Variants in SRGAP3 observed in about 807,000 individuals in gnomAD.
SRGAP3 encodes the protein SLIT-ROBO Rho GTPase activating protein 3.
SRGAP3 carries 39 observed loss-of-function variants against 121.1 expected under a neutral mutation model. That is an observed-to-expected ratio of 0.32 (90% CI 0.25 to 0.42). The LOEUF is 0.42. Among genes scored for constraint, SRGAP3 ranks in the 10% least tolerant of loss-of-function variants. The probability of loss-of-function intolerance (pLI) is 1.00; values close to 1 mark genes in which losing one functional copy is unlikely to be tolerated. For missense variants in SRGAP3, 1,213 were observed against 1,470.6 expected (o/e 0.82, Z 2.86); for synonymous variants, 601 against 570.0 (o/e 1.05, Z -0.77).
chr3:9,254,010 C>T (rs1267115393), upstream of SRGAP3, among the ~76,000 whole-genome samples: 1 of 152,158 alleles, frequency 6.6e-6, no homozygotes, highest in Non-Finnish European at 1.5e-5. Context: ...AATTCAACCA[C>T]AGAACAATAC....
intron 1 of SRGAP3, among the ~76,000 whole-genome samples, chr3:9,356,391 G>A (rs76556501): frequency 6.7e-5 from 3 of 44,578 alleles, no homozygotes; most frequent in African/African-American, 1.5e-4. Flanking sequence ...TTTTTTTTTT[G>A]AGACAGAGTC....
intron 1 of SRGAP3, among the ~76,000 whole-genome samples, chr3:9,352,220 T>C (rs2030211284): frequency 6.6e-6 from 1 of 152,050 alleles, no homozygotes; most frequent in Non-Finnish European, 1.5e-5. Context: ...CTGCAGATTG[T>C]TTTTTACAGA....
intron 3 of SRGAP3, among the ~76,000 whole-genome samples, chr3:9,295,805 T>C (rs369301483): frequency 6.6e-5 from 10 of 152,284 alleles, no homozygotes; most frequent in Admixed American, 5.9e-4. Context: ...CTCCCCATTC[T>C]CCTCTTCCCC....
At chr3:9,060,167 G>T in intron 6 of SRGAP3, 64 bp downstream of exon 6, 1 of 1,611,716 alleles carries the variant, frequency 6.2e-7, no homozygotes. Context: ...CCCTCCTTCA[G>T]CCAGTGACAT....
chr3:9,087,827 G>A (rs2124833741), intron 3 of SRGAP3, among the ~76,000 whole-genome samples: 1 of 152,260 alleles, frequency 6.6e-6, no homozygotes, highest in East Asian at 1.9e-4. Context: ...AGGGTGGGAT[G>A]AATGGGAGGA....
chr3:8,986,388 C>A lies in SRGAP3; in HGVS notation c.2887-456G>T, dbSNP rs187983953. On this transcript the variant is annotated intron_variant, in intron 21 of 21. Transcript: ENST00000383836. ...TGACCCCTGGCACAGAGTAAGCACT[C>A]AAAAATACGAATGACAATAGCAATA... is the stretch of plus-strand genomic sequence containing the variant. Among the ~76,000 whole-genome samples, 7 of 152,302 alleles carry A rather than the reference C, an allele frequency of 4.6e-5. No homozygotes were observed. In the East Asian group the frequency reaches 1.3e-3, roughly 29 times the overall value.
intron 2 of SRGAP3, among the ~76,000 whole-genome samples, chr3:9,123,436 G>A (rs1949097840): frequency 6.6e-6 from 1 of 151,392 alleles, no homozygotes; most frequent in Non-Finnish European, 1.5e-5. Flanking sequence ...GCCGGGTATG[G>A]TGGCTCACAT....
chr3:9,263,306 A>G (rs1323690819), intron 3 of SRGAP3, among the ~76,000 whole-genome samples: 15 of 152,178 alleles, frequency 9.9e-5, no homozygotes. Context: ...CAATTAAAAG[A>G]ACTAGAGAAG....
intron 1 of SRGAP3, among the ~76,000 whole-genome samples, chr3:9,166,294 G>A (rs1459328225): frequency 6.6e-6 from 1 of 152,178 alleles, no homozygotes; most frequent in African/African-American, 2.4e-5. Context: ...TAACATAGAA[G>A]TGTTCTGTGA....
rs1288686631 is a variant in SRGAP3, at chr3:9,188,758, C to T, written c.67+60127G>A. Among the ~76,000 whole-genome samples, 6 of 152,194 alleles carry T rather than the reference C, an allele frequency of 3.9e-5. No individual in the cohort carries two copies. In the South Asian group the frequency reaches 6.2e-4, roughly 16 times the overall value. ...TTTTCAAAAGCAATCTAAATTAATG[C>T]GAACCCACAAAGGGCAAGGCTCTCT... On this transcript the variant is annotated intron_variant, in intron 1 of 21. Transcript: ENST00000383836.
chr3:9,264,482 A>T (rs910593501), intron 3 of SRGAP3, among the ~76,000 whole-genome samples: 11 of 152,254 alleles, frequency 7.2e-5, no homozygotes, highest in Admixed American at 2.6e-4. Context: ...CCATCATCTC[A>T]GCCCAAAAAC....
chr3:9,205,312 T>C (rs1037635881), intron 1 of SRGAP3, among the ~76,000 whole-genome samples: 2 of 152,230 alleles, frequency 1.3e-5, no homozygotes, highest in African/African-American at 4.8e-5. Context: ...ATTAACAAGA[T>C]ATTTTCTATT....
chr3:9,249,676 C>T, upstream of SRGAP3: 1 of 233,188 alleles, frequency 4.3e-6, no homozygotes, highest in Non-Finnish European at 8.5e-6. Flanking sequence ...CTGAGCTCTC[C>T]CCCACTGCTC....
At chr3:9,259,682 G>A (rs915805072) in intron 3 of SRGAP3, among the ~76,000 whole-genome samples, 5 of 152,204 alleles carry the variant, frequency 3.3e-5, no homozygotes, top group African/African-American at 1.2e-4. Flanking sequence ...ACATGTCTAA[G>A]AGAATATTCT....
intron 3 of SRGAP3, among the ~76,000 whole-genome samples, chr3:9,255,266 A>C (rs2668366): frequency 0.14 from 21,891 of 152,230 alleles, 1,694 homozygotes; most frequent in East Asian, 0.26. Flanking sequence ...ACAGCAGCTC[A>C]CAGAAAGGGA....
At chr3:9,103,526 C>T (rs965825620) in intron 3 of SRGAP3, among the ~76,000 whole-genome samples, 3 of 152,172 alleles carry the variant, frequency 2.0e-5, no homozygotes, top group African/African-American at 4.8e-5. Flanking sequence ...CGAAGATACA[C>T]AGCTAATAAA....
rs1038729207 is a variant in SRGAP3, at chr3:9,218,826, C to T, written c.67+30059G>A. On this transcript the variant is annotated intron_variant, in intron 1 of 21. Transcript: ENST00000383836. This position sits in a 1 kb window ranked among gnomAD's most constrained non-coding sequence, Gnocchi z 5.3. The stretch of plus-strand genomic sequence containing the variant: ...TAGCTGGGAATACAGGTGTGAACCA[C>T]CACACCTGGCTAATTTTTGTATTTT... Among the ~76,000 whole-genome samples, 12 of 151,594 alleles carry T rather than the reference C, an allele frequency of 7.9e-5. No homozygotes were observed. Among genetic ancestry groups the T allele is most frequent in the Non-Finnish European group, 1.6e-4 (11 of 67,866 alleles).
chr3:9,146,389 A>G (rs924033888), intron 1 of SRGAP3, among the ~76,000 whole-genome samples: 2 of 152,236 alleles, frequency 1.3e-5, no homozygotes, highest in South Asian at 2.1e-4. Context: ...AGCTGCTGCT[A>G]TAATAGCAGG....
At chr3:9,108,404 G>C (rs915372145) in intron 2 of SRGAP3, among the ~76,000 whole-genome samples, 8 of 152,162 alleles carry the variant, frequency 5.3e-5, no homozygotes, top group Admixed American at 2.0e-4. Context: ...GATCACTTGA[G>C]TCCAGGAGTT....
Sources: gnomAD v4.1 joint callset for allele counts (sites outside exome capture counted in the v4.1 genomes callset) on GRCh38, gnomAD v4.1.1 for gene constraint, Gnocchi (gnomAD v3.1) non-coding constraint, MANE v1.5 for transcripts, NCBI Gene and HGNC (gene_info 2026-07-23, HGNC 2026-07-21) for gene names.